The following RASGRF1 variants were observed in gnomAD, a reference collection of about 807,000 sequenced individuals.
The protein encoded by RASGRF1 is ras-specific guanine nucleotide-releasing factor 1.
Under a neutral mutation model 138.7 loss-of-function variants are expected in RASGRF1, and 40 were observed. The observed-to-expected ratio is 0.29, with a 90% CI of 0.22 to 0.38. RASGRF1 has a LOEUF of 0.38. Ranked by LOEUF, RASGRF1 falls within the 10% of genes least tolerant of loss-of-function variation. RASGRF1 has a pLI of 1.00. For synonymous variants in RASGRF1, 614 were observed against 663.2 expected, an observed-to-expected ratio of 0.93 and a Z score of 1.14; for missense variants, 1,108 against 1,650.4, an observed-to-expected ratio of 0.67 and a Z score of 5.69.
intron 26 of RASGRF1, among the ~76,000 whole-genome samples, chr15:78,963,326 G>T (rs1452122307): frequency 6.6e-6 from 1 of 150,786 alleles, no homozygotes; most frequent in African/African-American, 2.5e-5. Flanking sequence ...TTTTGAGACA[G>T]CATCTTGCTC....
chr15:78,984,512 T>C (rs1004101449), intron 23 of RASGRF1: 6 of 214,100 alleles, frequency 2.8e-5, no homozygotes, highest in African/African-American at 1.4e-4. Flanking sequence ...GGTGATCAAC[T>C]AGCCAACACG....
At chr15:79,039,797 T>C (rs1595928929) in intron 5 of RASGRF1, among the ~76,000 whole-genome samples, 1 of 152,070 alleles carries the variant, frequency 6.6e-6, no homozygotes, top group Admixed American at 6.6e-5. Context: ...TGAGACAGGG[T>C]CTTGCTCTGT....
chr15:78,993,221 C>CTGTGGTGTGATGTGTGTGTTG (rs2056311591), intron 20 of RASGRF1, among the ~76,000 whole-genome samples: 1 of 61,826 alleles, frequency 1.6e-5, no homozygotes, highest in Non-Finnish European at 3.4e-5. Flanking sequence ...GTGCGTGTGC[C>CTGTGGTGTGATGTGTGTGTTG]TGTGTGGGTG....
intron 12 of RASGRF1, 32 bp downstream of exon 12, chr15:79,017,738 A>G: frequency 3.2e-6 from 5 of 1,581,826 alleles, no homozygotes; most frequent in Non-Finnish European, 4.3e-6. Flanking sequence ...TGAAGGGACC[A>G]CTCGCTTTCA....
At chr15:79,041,386 TC>T (rs1010697193) in intron 5 of RASGRF1, among the ~76,000 whole-genome samples, 3 of 152,218 alleles carry the variant, frequency 2.0e-5, no homozygotes, top group African/African-American at 7.2e-5. Flanking sequence ...TATGGCCTTG[TC>T]CCCATTCATA....
chr15:79,071,490 G>A (rs1195333017), intron 1 of RASGRF1, among the ~76,000 whole-genome samples: 1 of 150,502 alleles, frequency 6.6e-6, no homozygotes, highest in Non-Finnish European at 1.5e-5. Flanking sequence ...CTCCCGAATT[G>A]CTGGGACTAC....
Position 79,027,575 on chromosome 15 carries a change from T to C in RASGRF1, c.1381+166A>G, listed in dbSNP as rs1261886327. ...ATATGTATAGATACTGACATCTACA[T>C]ATAGCTGTTGCATTCCGCCAGCAGC... is the stretch of plus-strand genomic sequence containing the variant. On this transcript the variant is annotated intron_variant, in intron 9 of 26. Coordinates refer to ENST00000558480, the MANE Select transcript of RASGRF1 (RefSeq NM_001145648.3). The surrounding 1 kb of genome is among the most constrained non-coding windows in gnomAD (Gnocchi z 4.8). 6.6e-6 allele frequency among the ~76,000 whole-genome samples: 1 copy of C among 152,240 alleles called. No homozygotes were observed. The highest frequency in any genetic ancestry group is 6.5e-5 in the Admixed American group (1 of 15,286).
At chr15:79,010,734 C>T (rs1174306587) in intron 13 of RASGRF1, among the ~76,000 whole-genome samples, 1 of 152,144 alleles carries the variant, frequency 6.6e-6, no homozygotes, top group Non-Finnish European at 1.5e-5. Flanking sequence ...AGGGAGAGTG[C>T]CCCCACCTTG....
At chr15:78,972,668 C>T in intron 25 of RASGRF1, among the ~76,000 whole-genome samples, 1 of 152,034 alleles carries the variant, frequency 6.6e-6, no homozygotes, top group East Asian at 1.9e-4. Flanking sequence ...TTCCATCCAA[C>T]AAAAATCTAA....
intron 13 of RASGRF1, among the ~76,000 whole-genome samples, chr15:79,012,973 T>C (rs920916785): frequency 6.6e-6 from 1 of 152,198 alleles, no homozygotes; most frequent in Non-Finnish European, 1.5e-5. Flanking sequence ...GCTGTCTCAA[T>C]GGGCACCCTT....
chr15:79,007,545 GTTT>G (rs5813951), intron 13 of RASGRF1, among the ~76,000 whole-genome samples: 72 of 108,952 alleles, frequency 6.6e-4, no homozygotes, highest in African/African-American at 1.3e-3. Context: ...GCCGTATCTA[GTTT>G]TTTTTTTTTT....
At chr15:78,977,808 G>A (rs2055905528) in intron 24 of RASGRF1, among the ~76,000 whole-genome samples, 1 of 152,240 alleles carries the variant, frequency 6.6e-6, no homozygotes, top group African/African-American at 2.4e-5. Flanking sequence ...ATATGCAAGT[G>A]TGTGCTCGGT....
At chr15:79,044,699 C>T (rs929004473) in intron 5 of RASGRF1, among the ~76,000 whole-genome samples, 2 of 152,194 alleles carry the variant, frequency 1.3e-5, no homozygotes, top group African/African-American at 2.4e-5. Context: ...TGAGGTCTAT[C>T]GTGTTTCTTT....
chr15:78,979,283 G>A (rs1246278504), intron 24 of RASGRF1: 5 of 1,010,706 alleles, frequency 4.9e-6, no homozygotes, highest in Non-Finnish European at 6.4e-6. Flanking sequence ...AATGCGGCAG[G>A]AAGAAAACGC....
chr15:79,078,384 C>T (rs866549741), intron 1 of RASGRF1, among the ~76,000 whole-genome samples: 13 of 152,316 alleles, frequency 8.5e-5, no homozygotes, highest in Admixed American at 6.5e-4. Flanking sequence ...TGCTCACCAA[C>T]GCTGGTTCCT....
chr15:79,013,107 T>C (rs1731878163), intron 13 of RASGRF1, among the ~76,000 whole-genome samples: 1 of 152,192 alleles, frequency 6.6e-6, no homozygotes, highest in African/African-American at 2.4e-5. Flanking sequence ...AGGAAGTAGG[T>C]AGGTAGGTAT....
intron 22 of RASGRF1, among the ~76,000 whole-genome samples, chr15:78,988,074 A>G (rs1408611757): frequency 6.6e-6 from 1 of 152,250 alleles, no homozygotes; most frequent in East Asian, 1.9e-4. Flanking sequence ...GGATTTGAAC[A>G]GAGATGGCCA....
chr15:79,012,570 C>T (rs1235957777), intron 13 of RASGRF1: 1 of 1,612,690 alleles, frequency 6.2e-7, no homozygotes, highest in East Asian at 2.2e-5. Flanking sequence ...CAGATGGGTC[C>T]TTGAAGTTGT....
chr15:78,980,799 C>A (rs533607604), intron 23 of RASGRF1, 100 bp from the exon 24 acceptor site: 2 of 858,548 alleles, frequency 2.3e-6, no homozygotes, highest in South Asian at 4.2e-5. Flanking sequence ...CAACAGGGCT[C>A]CAGAATTGCC....
Sources: allele counts gnomAD v4.1 joint callset (sites outside exome capture counted in the v4.1 genomes callset), GRCh38; gene constraint gnomAD v4.1.1; non-coding constraint Gnocchi (gnomAD v3.1); transcripts MANE v1.5; gene names NCBI Gene and HGNC (gene_info 2026-07-23, HGNC 2026-07-21).